Variants in DEFB110 observed in about 807,000 individuals in gnomAD.
DEFB110 encodes defensin beta 110, also known as beta-defensin 110.
DEFB110 carries 4 observed loss-of-function variants against 2.5 expected under a neutral mutation model. The ratio of observed to expected loss-of-function variants is 1.60; its 90% CI spans 0.79 to 3.66. The LOEUF is 3.66. Ranked by LOEUF, DEFB110 falls within the 30% of genes most tolerant of loss-of-function variation. The pLI is 0.01. For missense variants in DEFB110, 94 were observed against 75.4 expected (o/e 1.25, Z -0.91); for synonymous variants, 29 against 21.8 (o/e 1.33, Z -0.92).
chr6:50,019,156 C>T (rs190018493), intron 1 of DEFB110, 31 bp from the exon 2 acceptor site: 13 of 1,604,168 alleles, frequency 8.1e-6, no homozygotes, highest in East Asian at 2.2e-5. Flanking sequence ...CTAAAATTAG[C>T]CATCTAGCTA....
chr6:50,016,820 T>C (rs191076006), downstream of DEFB110, among the ~76,000 whole-genome samples: 80 of 151,900 alleles, frequency 5.3e-4, no homozygotes, highest in Non-Finnish European at 1.1e-3. Context: ...CAGAGGCTGG[T>C]GGCTTAAATG....
At chr6:50,014,806 A>G (rs1043442801), downstream of DEFB110, among the ~76,000 whole-genome samples, 6 of 151,802 alleles carry the variant, frequency 4.0e-5, no homozygotes, top group Non-Finnish European at 7.4e-5. Flanking sequence ...CCAATCAGCA[A>G]CTGCATCTAT....
chr6:50,013,623 T>TAAG (rs1052319150), intron 1 of DEFB110, among the ~76,000 whole-genome samples: 2 of 151,732 alleles, frequency 1.3e-5, no homozygotes, highest in African/African-American at 4.8e-5. Context: ...ACAGTCTAAA[T>TAAG]AAGAAATGAT....
chr6:50,014,291 A>G (rs576170942), downstream of DEFB110, among the ~76,000 whole-genome samples: 1 of 151,960 alleles, frequency 6.6e-6, no homozygotes, highest in African/African-American at 2.4e-5. Flanking sequence ...GAGTGAATTT[A>G]TGGTGGGAAG....
downstream of DEFB110, among the ~76,000 whole-genome samples, chr6:50,016,586 C>T (rs1294163840): frequency 6.6e-6 from 1 of 151,546 alleles, no homozygotes; most frequent in East Asian, 1.9e-4. Context: ...CAAACTTAGA[C>T]AAATGTAAAT....
chr6:50,011,239 C>A (rs566976234), intron 1 of DEFB110, among the ~76,000 whole-genome samples: 1 of 151,626 alleles, frequency 6.6e-6, no homozygotes, highest in African/African-American at 2.4e-5. Context: ...GAATGCTATA[C>A]AAATGTCATC....
chr6:50,013,702 A>T (rs1177470407), intron 1 of DEFB110, among the ~76,000 whole-genome samples: 5 of 151,824 alleles, frequency 3.3e-5, no homozygotes, highest in Non-Finnish European at 5.9e-5. Context: ...GATATTTCTG[A>T]ATGAGACATA....
Position 50,019,068 on chromosome 6 carries a change from C to T in DEFB110, c.113G>A (p.Gly38Asp). Residue 38 changes from glycine (G) to aspartate (D), a missense_variant, in exon 2 of 2, where the codon GGT becomes GAT. Physicochemically the swap from Gly to Asp is moderately conservative, Grantham distance 94. Coordinates refer to ENST00000371148, the MANE Select transcript of DEFB110 (RefSeq NM_001037497.2). ...ACACTGATTTTTACATTGACCATTA[C>T]CTATTCTGCACTCTCTCCTCAAGTC... ...SLDLRRECRI[G>D]NGQCKNQCHE... The T allele has an allele frequency of 1.9e-6, 3 of 1,613,224 alleles. No homozygotes were observed. The highest frequency in any genetic ancestry group is 1.7e-4 in the Middle Eastern group (1 of 6,060).
intron 1 of DEFB110, among the ~76,000 whole-genome samples, chr6:50,011,940 TTTTA>T (rs1399689439): frequency 1.3e-5 from 2 of 152,024 alleles, no homozygotes; most frequent in African/African-American, 4.8e-5. Context: ...TGACTGGATA[TTTTA>T]TTTGTCATTT....
downstream of DEFB110, among the ~76,000 whole-genome samples, chr6:50,014,168 G>A (rs1325183540): frequency 1.3e-5 from 2 of 151,804 alleles, no homozygotes; most frequent in Non-Finnish European, 2.9e-5. Flanking sequence ...AATAGCAATC[G>A]ATTCTAGCAT....
At chr6:50,011,140 T>A (rs1164197522) in intron 1 of DEFB110, among the ~76,000 whole-genome samples, 1 of 151,520 alleles carries the variant, frequency 6.6e-6, no homozygotes, top group African/African-American at 2.4e-5. Flanking sequence ...CTTTGTATTG[T>A]TATGAAAATT....
intron 1 of DEFB110, among the ~76,000 whole-genome samples, chr6:50,020,397 T>C (rs991858419): frequency 6.6e-6 from 1 of 152,084 alleles, no homozygotes; most frequent in African/African-American, 2.4e-5. Context: ...TATTTTAAAT[T>C]GTACCCTGGC....
chr6:50,012,804 T>C (rs974905892), intron 1 of DEFB110, among the ~76,000 whole-genome samples: 3 of 151,872 alleles, frequency 2.0e-5, no homozygotes, highest in African/African-American at 7.2e-5. Flanking sequence ...GGTCCTGTGA[T>C]AGGTGGGGAC....
chr6:50,021,487 C>A (rs1774417662), intron 1 of DEFB110, among the ~76,000 whole-genome samples: 1 of 152,186 alleles, frequency 6.6e-6, no homozygotes, highest in Admixed American at 6.5e-5. Flanking sequence ...TTACTTTCAA[C>A]AAAGTAAAAT....
Position 50,020,486 on chromosome 6 carries a change from T to G in DEFB110, c.56-1361A>C, listed in dbSNP as rs375410117. Among the ~76,000 whole-genome samples the G allele has an allele frequency of 4.6e-5, 7 of 152,256 alleles. 1 individual carries two copies. The highest frequency in any genetic ancestry group is 1.7e-4 in the African/African-American group (7 of 41,558). On this transcript the variant is annotated intron_variant, in intron 1 of 1. Transcript: ENST00000371148. ...TCAAATTCTTGACCAAAGGACAGAT[T>G]TAATATTTTCACATATGAAAACAAA...
intron 1 of DEFB110, among the ~76,000 whole-genome samples, chr6:50,012,871 G>A (rs1463896899): frequency 6.6e-6 from 1 of 151,568 alleles, no homozygotes; most frequent in East Asian, 1.9e-4. Context: ...TTATTTGTTG[G>A]GAGATGATGA....
chr6:50,009,624 A>G (rs1774193369), intron 1 of DEFB110, among the ~76,000 whole-genome samples: 1 of 152,174 alleles, frequency 6.6e-6, no homozygotes, highest in Non-Finnish European at 1.5e-5. Flanking sequence ...CAGCCAAAAT[A>G]TCAGCCCTTC....
downstream of DEFB110, among the ~76,000 whole-genome samples, chr6:50,016,120 C>T (rs1054682309): frequency 2.6e-5 from 4 of 151,538 alleles, no homozygotes; most frequent in African/African-American, 9.7e-5. Flanking sequence ...TTGTTCTTGC[C>T]CAAGGATATT....
chr6:50,019,093 C>T lies in DEFB110; in HGVS notation c.88G>A (p.Asp30Asn), dbSNP rs781532241. The change falls in exon 2 of 2, where the codon GAC becomes AAC. Residue 30 changes from aspartate (D) to asparagine (N), a missense_variant. Coordinates refer to ENST00000371148, the MANE Select transcript of DEFB110 (RefSeq NM_001037497.2). ...CCTATTCTGCACTCTCTCCTCAAGTCCAAGCTACCATACTCAGGATATTTC... is the reference window on the plus strand; with the variant it reads ...CCTATTCTGCACTCTCTCCTCAAGTTCAAGCTACCATACTCAGGATATTTC... ...KKKYPEYGSLDLRRECRIGNG... is the reference protein window; with the variant it reads ...KKKYPEYGSLNLRRECRIGNG... The T allele has an allele frequency of 3.7e-6, 6 of 1,612,836 alleles. No homozygotes were observed. The highest frequency in any genetic ancestry group is 1.3e-5 in the African/African-American group (1 of 74,840).
Sources: gnomAD v4.1 joint callset for allele counts (sites outside exome capture counted in the v4.1 genomes callset) on GRCh38, gnomAD v4.1.1 for gene constraint, MANE v1.5 for transcripts, NCBI Gene and HGNC (gene_info 2026-07-23, HGNC 2026-07-21) for gene names.